The following IDO2 variants were observed in gnomAD, a reference collection of about 807,000 sequenced individuals.
IDO2 encodes indoleamine 2,3-dioxygenase-like 1 protein.
Under a neutral mutation model 45.1 loss-of-function variants are expected in IDO2, and 46 were observed. The observed-to-expected ratio is 1.02, with a 90% CI of 0.80 to 1.30. IDO2 has a LOEUF of 1.30. Among genes scored for constraint, IDO2 ranks in the 50% most tolerant of loss-of-function variants. The pLI is 0.00. For missense variants in IDO2, 544 were observed against 491.8 expected, an observed-to-expected ratio of 1.11 and a Z score of -1.00; for synonymous variants, 218 against 184.9, an observed-to-expected ratio of 1.18 and a Z score of -1.45.
intron 3 of IDO2, among the ~76,000 whole-genome samples, chr8:39,971,818 T>TC (rs1206685803): frequency 6.6e-6 from 1 of 151,890 alleles, no homozygotes; most frequent in Non-Finnish European, 1.5e-5. Context: ...TTCTTTTCTT[T>TC]TTTTTTTGAG....
intron 8 of IDO2, 90 bp from the exon 9 acceptor site, chr8:40,005,237 G>A (rs1489919527): frequency 6.7e-6 from 5 of 741,006 alleles, no homozygotes; most frequent in Admixed American, 2.7e-5. Context: ...AGATAGGGAA[G>A]GAACTCCGGG....
intron 10 of IDO2, 98 bp from the exon 11 acceptor site, chr8:40,015,149 C>T (rs2955902): frequency 0.99 from 735,708 of 740,214 alleles, 365,747 homozygotes; most frequent in East Asian, 1. Flanking sequence ...AGCAAGATCT[C>T]ATCTAGAGAA....
intron 9 of IDO2, among the ~76,000 whole-genome samples, chr8:40,006,344 G>T (rs565191851): frequency 1.3e-5 from 2 of 152,292 alleles, no homozygotes; most frequent in South Asian, 2.1e-4. Flanking sequence ...CCAACTGTGG[G>T]CTAATGTAAG....
intron 1 of IDO2, among the ~76,000 whole-genome samples, chr8:39,936,545 C>T (rs1462145491): frequency 6.6e-6 from 1 of 152,174 alleles, no homozygotes; most frequent in Non-Finnish European, 1.5e-5. Flanking sequence ...CTGAGATGAG[C>T]TGGTGGATCC....
At chr8:39,980,941 C>T (rs1455611933) in intron 4 of IDO2, among the ~76,000 whole-genome samples, 2 of 151,682 alleles carry the variant, frequency 1.3e-5, no homozygotes, top group Admixed American at 6.6e-5. Flanking sequence ...TTAGTAGAGA[C>T]GGGTTTCACC....
intron 1 of IDO2, among the ~76,000 whole-genome samples, chr8:39,945,457 G>A (rs1216730741): frequency 2.6e-5 from 4 of 152,208 alleles, no homozygotes; most frequent in African/African-American, 4.8e-5. Context: ...TGTGTTCTCC[G>A]TAGGGGCCAG....
chr8:39,978,222 G>A (rs1808291220), intron 3 of IDO2, among the ~76,000 whole-genome samples: 1 of 152,208 alleles, frequency 6.6e-6, no homozygotes. Context: ...GGTGCCTGGA[G>A]ATTAAAAGGA....
In IDO2 at chr8:39,960,814, G is replaced by T. The variant is rs145954352; in HGVS notation, c.100-2794G>T. Among the ~76,000 whole-genome samples the T allele has an allele frequency of 2.2e-4, 33 of 151,898 alleles. No individual in the cohort carries two copies. In the South Asian group the frequency reaches 6.7e-3, roughly 31 times the overall value. ...TTATTTTTTTTTGAGACGGAGTCTC[G>T]CTCTGTTGCCCAGGATGGAGTGCAG... is the stretch of plus-strand genomic sequence containing the variant. On this transcript the variant is annotated intron_variant, in intron 2 of 10. Transcript: ENST00000502986.
chr8:39,951,983 T>C (rs1807821153), intron 2 of IDO2, among the ~76,000 whole-genome samples: 2 of 152,246 alleles, frequency 1.3e-5, no homozygotes, highest in Non-Finnish European at 2.9e-5. Flanking sequence ...CCTGAGCTTA[T>C]GCAGAAAAAA....
chr8:39,940,929 G>GA (rs35440780), intron 1 of IDO2, among the ~76,000 whole-genome samples: 289 of 138,432 alleles, frequency 2.1e-3, no homozygotes, highest in Admixed American at 2.2e-3. Flanking sequence ...AAATAAAATT[G>GA]AAAAAAAAAA....
At chr8:39,951,570 T>C (rs1305497188) in intron 2 of IDO2, among the ~76,000 whole-genome samples, 1 of 152,206 alleles carries the variant, frequency 6.6e-6, no homozygotes, top group African/African-American at 2.4e-5. Flanking sequence ...TCACATTTAC[T>C]GGATGGAGAT....
chr8:39,954,040 T>G (rs1319088868), intron 2 of IDO2, among the ~76,000 whole-genome samples: 1 of 152,238 alleles, frequency 6.6e-6, no homozygotes, highest in Non-Finnish European at 1.5e-5. Context: ...TTTTCTATTC[T>G]TTCAAAATTT....
At chr8:39,991,647 T>C (rs1801931917) in intron 8 of IDO2, among the ~76,000 whole-genome samples, 2 of 148,542 alleles carry the variant, frequency 1.3e-5, no homozygotes, top group African/African-American at 5.0e-5. Context: ...CTTGGCTCAC[T>C]GCAAGCTCTG....
chr8:39,950,743 T>G (rs1807802781), intron 2 of IDO2, among the ~76,000 whole-genome samples: 2 of 152,178 alleles, frequency 1.3e-5, no homozygotes, highest in African/African-American at 4.8e-5. Flanking sequence ...GTTTAAAACT[T>G]TTTTAATTGG....
At chr8:39,952,261 C>T (rs10958578) in intron 2 of IDO2, among the ~76,000 whole-genome samples, 4,578 of 152,246 alleles carry the variant, frequency 0.03, 95 homozygotes, top group Non-Finnish European at 0.045. Context: ...CTCAAGGGGA[C>T]ACCAGATCTT....
chr8:39,988,980 ATCTG>A (rs1808463547), intron 7 of IDO2, among the ~76,000 whole-genome samples: 1 of 152,136 alleles, frequency 6.6e-6, no homozygotes, highest in South Asian at 2.1e-4. Context: ...GCTCTGTAGA[ATCTG>A]TCTGTGTATT....
At chr8:39,991,067 G>A (rs1808490591) in intron 8 of IDO2, among the ~76,000 whole-genome samples, 1 of 152,152 alleles carries the variant, frequency 6.6e-6, no homozygotes, top group Non-Finnish European at 1.5e-5. Context: ...CAGGACTGGA[G>A]GGAGGGAGAA....
intron 2 of IDO2, among the ~76,000 whole-genome samples, chr8:39,962,997 G>A (rs1808022559): frequency 6.6e-6 from 1 of 152,254 alleles, no homozygotes; most frequent in Admixed American, 6.5e-5. Flanking sequence ...GGGACCAGGA[G>A]TCTGGCCTTT....
chr8:39,957,042 C>CAAAAAAAAA (rs56064306), intron 2 of IDO2, among the ~76,000 whole-genome samples: 2 of 31,324 alleles, frequency 6.4e-5, no homozygotes, highest in Non-Finnish European at 1.2e-4. Flanking sequence ...GACTCCATCT[C>CAAAAAAAAA]AAAAAAAAAA....
Sources: gnomAD v4.1 joint callset for allele counts (sites outside exome capture counted in the v4.1 genomes callset) on GRCh38, gnomAD v4.1.1 for gene constraint, MANE v1.5 for transcripts, NCBI Gene and HGNC (gene_info 2026-07-23, HGNC 2026-07-21) for gene names.